The following ABCC2 variants were observed in gnomAD, a reference collection of about 807,000 sequenced individuals.
The protein encoded by ABCC2 is ATP-binding cassette sub-family C member 2.
Under a neutral mutation model 173.4 loss-of-function variants are expected in ABCC2, and 157 were observed. The ratio of observed to expected loss-of-function variants is 0.91; its 90% CI spans 0.80 to 1.03. The LOEUF is 1.03. Ranked by LOEUF, ABCC2 falls within the 50% of genes least tolerant of loss-of-function variation. ABCC2 has a pLI of 0.00. For missense variants in ABCC2, 1,822 were observed against 1,852.3 expected (o/e 0.98, Z 0.30); for synonymous variants, 657 against 693.5 (o/e 0.95, Z 0.83).
At position 99,831,980 on chromosome 10, in the gene ABCC2, T is replaced by C. The variant is rs45441199; in HGVS notation, c.3107T>C (p.Ile1036Thr). 6.1e-3 allele frequency: 9,876 copies of C among 1,614,250 alleles called. 42 individuals are homozygous for C. The highest frequency in any genetic ancestry group is 0.014 in the Middle Eastern group (85 of 6,062). The stretch of plus-strand genomic sequence containing the variant: ...ACAAAACTGCTTCCATCTCTAGGTA[T>C]ATTTGTGTTCATAGCACATTTCTGG... ...VYGALGLAQG[I>T]FVFIAHFWSA... Residue 1036 changes from isoleucine (I) to threonine (T), a missense_variant, in exon 23 of 32, where the codon ATA becomes ACA. Physicochemically the swap from Ile to Thr is moderately conservative, Grantham distance 89. Coordinates refer to ENST00000647814, the MANE Select transcript of ABCC2 (RefSeq NM_000392.5).
At chr10:99,784,942 G>T (rs1265539526) in intron 2 of ABCC2, among the ~76,000 whole-genome samples, 161 bp downstream of exon 2, 1 of 152,148 alleles carries the variant, frequency 6.6e-6, no homozygotes, top group Admixed American at 6.5e-5. Context: ...GTCCCTTGCT[G>T]CATTTCTTAA....
chr10:99,784,901 G>A, intron 2 of ABCC2, 120 bp downstream of exon 2: 2 of 1,262,780 alleles, frequency 1.6e-6, no homozygotes, highest in Non-Finnish European at 2.2e-6. Context: ...CATTGTCTCA[G>A]GTAGAGCCAG....
At chr10:99,795,283 ATG>A (rs2037879729) in intron 6 of ABCC2, among the ~76,000 whole-genome samples, 1 of 152,242 alleles carries the variant, frequency 6.6e-6, no homozygotes, top group East Asian at 1.9e-4. Context: ...TTAAAAACAA[ATG>A]TGTGATTTAG....
chr10:99,821,479 G>C (rs1392985608), intron 19 of ABCC2, among the ~76,000 whole-genome samples: 2 of 152,110 alleles, frequency 1.3e-5, no homozygotes, highest in African/African-American at 4.8e-5. Context: ...ACAATACCTG[G>C]CTTTCCTAGG....
intron 19 of ABCC2, among the ~76,000 whole-genome samples, chr10:99,826,475 C>T (rs373967424): frequency 1.8e-3 from 249 of 139,194 alleles, no homozygotes; most frequent in African/African-American, 4.4e-3. Context: ...AGGGCTCTTT[C>T]GAACCTTGTC....
chr10:99,831,736 G>A lies in ABCC2; in HGVS notation c.3009G>A (p.Trp1003Ter). 1 of 1,614,164 alleles carries A rather than the reference G, an allele frequency of 6.2e-7. No individual in the cohort carries two copies. Among genetic ancestry groups the A allele is most frequent in the Non-Finnish European group, 8.5e-7 (1 of 1,180,024 alleles). The change falls in exon 22 of 32, where the codon TGG (tryptophan) becomes TGA (stop). Residue 1003 changes from tryptophan (W) to a stop codon, truncating the protein, a stop_gained. Transcript: ENST00000647814. LOFTEE classifies it high-confidence loss of function. Reference protein sequence around the residue: ...FIGSNLWLSAWTSDSKIFNST... With the variant: ...FIGSNLWLSA The stretch of plus-strand genomic sequence containing the variant: ...GATCCAACCTCTGGCTCAGTGCTTG[G>A]ACCAGTGACTCTAAAATCTTCAATA...
Position 99,807,408 on chromosome 10 carries a change from C to T in ABCC2, c.1555C>T (p.Pro519Ser). The change falls in exon 12 of 32, where the codon CCT (proline) becomes TCT (serine). Residue 519 changes from proline (P) to serine (S), a missense_variant. Coordinates refer to ENST00000647814, the MANE Select transcript of ABCC2 (RefSeq NM_000392.5). ...IKILKYFAWEPSFRDQVQNLR... is the reference protein window; with the variant it reads ...IKILKYFAWESSFRDQVQNLR... ...GATCCTGAAATATTTTGCCTGGGAACCTTCATTCAGAGACCAAGTACAAAA... is the reference window on the plus strand; with the variant it reads ...GATCCTGAAATATTTTGCCTGGGAATCTTCATTCAGAGACCAAGTACAAAA... 1 of 1,614,042 alleles carries T rather than the reference C, an allele frequency of 6.2e-7. No individual in the cohort carries two copies. Among genetic ancestry groups the T allele is most frequent in the Admixed American group, 1.7e-5 (1 of 60,002 alleles).
chr10:99,794,639 G>T, intron 6 of ABCC2, 171 bp downstream of exon 6: 2 of 612,584 alleles, frequency 3.3e-6, no homozygotes, highest in Non-Finnish European at 5.7e-6. Context: ...CCACCTCCTG[G>T]GTTCAAGTGA....
At chr10:99,814,520 T>TACAC (rs779222406) in intron 16 of ABCC2, among the ~76,000 whole-genome samples, 1 of 70,416 alleles carries the variant, frequency 1.4e-5, no homozygotes, top group Admixed American at 1.4e-4. Context: ...TGTGTATATA[T>TACAC]ACATATATAT....
At position 99,808,207 on chromosome 10, in the gene ABCC2, T is replaced by A; in HGVS notation, c.1793T>A (p.Met598Lys). The A allele has an allele frequency of 5.6e-6, 9 of 1,614,144 alleles. No homozygotes were observed. Among genetic ancestry groups the A allele is most frequent in the Non-Finnish European group, 7.6e-6 (9 of 1,180,010 alleles). ...ILRFPLSMLP[M>K]MISSMLQASV... ...CGCTTTCCCCTGAGCATGCTTCCCATGATGATCTCCTCCATGCTCCAGGTA... is the reference window on the plus strand; with the variant it reads ...CGCTTTCCCCTGAGCATGCTTCCCAAGATGATCTCCTCCATGCTCCAGGTA... Residue 598 changes from methionine (M) to lysine (K), a missense_variant, in exon 13 of 32, where the codon ATG becomes AAG. Coordinates refer to ENST00000647814, the MANE Select transcript of ABCC2 (RefSeq NM_000392.5).
At chr10:99,804,342 C>A in intron 10 of ABCC2, 69 bp downstream of exon 10, 1 of 1,601,508 alleles carries the variant, frequency 6.2e-7, no homozygotes, top group East Asian at 2.2e-5. Flanking sequence ...TTACTCTACT[C>A]TAATTCTTAA....
At chr10:99,808,511 G>C (rs978715511) in intron 13 of ABCC2, among the ~76,000 whole-genome samples, 3 of 152,130 alleles carry the variant, frequency 2.0e-5, no homozygotes, top group Admixed American at 6.5e-5. Flanking sequence ...TTTAGTCCTA[G>C]TACTGGGAAC....
intron 9 of ABCC2, 117 bp downstream of exon 9, chr10:99,800,680 ACT>A: frequency 4.2e-6 from 5 of 1,177,896 alleles, no homozygotes; most frequent in Non-Finnish European, 6.2e-6. Flanking sequence ...CTTAATGTTG[ACT>A]GGCCATACAG....
rs375147383 is a variant in ABCC2 at position 99,782,867 on chromosome 10, C to T, written c.23C>T (p.Ser8Phe). ...ATCATGCTGGAGAAGTTCTGCAACT[C>T]TACTTTTTGGGTGAGAAATTACATT... is the stretch of plus-strand genomic sequence containing the variant. The part of the protein sequence containing the change: MLEKFCN[S>F]TFWNSSFLDS... The change falls in exon 1 of 32, where the codon TCT becomes TTT. Residue 8 changes from serine (S) to phenylalanine (F), a missense_variant. Transcript: ENST00000647814. 6.8e-5 allele frequency: 110 copies of T among 1,613,952 alleles called. No individual in the cohort carries two copies. Among genetic ancestry groups the T allele is most frequent in the Non-Finnish European group, 8.6e-5 (101 of 1,180,000 alleles).
chr10:99,841,335 G>A (rs535593237), intron 25 of ABCC2, among the ~76,000 whole-genome samples: 1 of 152,060 alleles, frequency 6.6e-6, no homozygotes, highest in East Asian at 1.9e-4. Flanking sequence ...AGCAGAACAC[G>A]TGAGCCCAGG....
chr10:99,844,741 G>A (rs1307278938), intron 28 of ABCC2, among the ~76,000 whole-genome samples: 2 of 152,182 alleles, frequency 1.3e-5, no homozygotes, highest in East Asian at 1.9e-4. Flanking sequence ...AAGGTCCACA[G>A]TATGCAGAGA....
chr10:99,809,127 C>CA (rs1458677074), intron 13 of ABCC2, among the ~76,000 whole-genome samples: 1 of 152,080 alleles, frequency 6.6e-6, no homozygotes, highest in Non-Finnish European at 1.5e-5. Context: ...CTGAGGCAGG[C>CA]ATATCACCTG....
At chr10:99,796,625 C>T (rs1057079294) in intron 6 of ABCC2, among the ~76,000 whole-genome samples, 6 of 151,994 alleles carry the variant, frequency 3.9e-5, no homozygotes, top group African/African-American at 1.2e-4. Flanking sequence ...ATGGAGGTTG[C>T]GGTGAGCCAA....
chr10:99,801,704 T>C (rs771658973), intron 9 of ABCC2, among the ~76,000 whole-genome samples: 7 of 152,240 alleles, frequency 4.6e-5, no homozygotes, highest in South Asian at 4.1e-4. Flanking sequence ...TAGGTTCCAA[T>C]CTTTTTATAA....
Sources: allele counts gnomAD v4.1 joint callset (sites outside exome capture counted in the v4.1 genomes callset), GRCh38; gene constraint gnomAD v4.1.1; transcripts MANE v1.5; gene names NCBI Gene and HGNC (gene_info 2026-07-23, HGNC 2026-07-21).